NAALADL2: variants seen among roughly 807,000 people sequenced by gnomAD.
NAALADL2 encodes the protein inactive N-acetylated-alpha-linked acidic dipeptidase-like protein 2.
NAALADL2 carries 76 observed loss-of-function variants against 87.2 expected under a neutral mutation model. The ratio of observed to expected loss-of-function variants is 0.87; its 90% CI spans 0.72 to 1.05. The LOEUF is 1.05. Among genes scored for constraint, NAALADL2 ranks in the 50% least tolerant of loss-of-function variants. The pLI is 0.00. For missense variants in NAALADL2, 1,089 were observed against 945.8 expected, an observed-to-expected ratio of 1.15 and a Z score of -1.99; for synonymous variants, 354 against 331.0, an observed-to-expected ratio of 1.07 and a Z score of -0.75.
rs988003431 is a variant in NAALADL2 at position 175,363,909 on chromosome 3, T to C, written c.1090+39584T>C. The stretch of plus-strand genomic sequence containing the variant: ...ATTGAACTATCCTGTGTATTAGAAA[T>C]TAGTTTCCTAGTTCAGAAGCTGCTT... On this transcript the variant is annotated intron_variant, in intron 5 of 13. Transcript: ENST00000454872. Among the ~76,000 whole-genome samples, 17 of 148,136 alleles carry C rather than the reference T, an allele frequency of 1.1e-4. 1 individual carries two copies. Among genetic ancestry groups the C allele is most frequent in the Non-Finnish European group, 1.5e-4 (10 of 66,534 alleles).
At chr3:174,955,670 T>C (rs947177801) in intron 1 of NAALADL2, among the ~76,000 whole-genome samples, 2 of 152,110 alleles carry the variant, frequency 1.3e-5, no homozygotes, top group Admixed American at 6.6e-5. Flanking sequence ...TATCAGAGCC[T>C]GAGGCTACTG....
intron 3 of NAALADL2, among the ~76,000 whole-genome samples, chr3:174,755,699 T>C (rs1560198386): frequency 6.6e-6 from 1 of 152,202 alleles, no homozygotes; most frequent in Non-Finnish European, 1.5e-5. Flanking sequence ...ATAACACTTA[T>C]TGCATAAAAT....
At chr3:174,848,645 A>G (rs1235893550) in intron 3 of NAALADL2, among the ~76,000 whole-genome samples, 1 of 152,180 alleles carries the variant, frequency 6.6e-6, no homozygotes, top group Non-Finnish European at 1.5e-5. Context: ...TCATTTTCAC[A>G]GCTTTGCAGT....
At chr3:175,000,945 C>T (rs73048962) in intron 1 of NAALADL2, among the ~76,000 whole-genome samples, 2,658 of 152,286 alleles carry the variant, frequency 0.017, 87 homozygotes, top group African/African-American at 0.061. Flanking sequence ...GTTAATTGTA[C>T]TATATCACAG....
chr3:174,878,066 G>A (rs1453566498), intron 1 of NAALADL2, among the ~76,000 whole-genome samples: 1 of 151,968 alleles, frequency 6.6e-6, no homozygotes, highest in African/African-American at 2.4e-5. Flanking sequence ...TGATATACAT[G>A]GACCTCTAAA....
At chr3:175,128,378 G>C (rs1342610935) in intron 2 of NAALADL2, among the ~76,000 whole-genome samples, 4 of 152,084 alleles carry the variant, frequency 2.6e-5, no homozygotes, top group Non-Finnish European at 4.4e-5. Flanking sequence ...TGTAATAAAT[G>C]ATTTAATTTT....
At chr3:175,316,779 T>G (rs1759198165) in intron 4 of NAALADL2, among the ~76,000 whole-genome samples, 1 of 152,176 alleles carries the variant, frequency 6.6e-6, no homozygotes, top group Non-Finnish European at 1.5e-5. Context: ...AACCTCAGCA[T>G]GTTCAAAATG....
intron 3 of NAALADL2, among the ~76,000 whole-genome samples, chr3:174,850,700 A>G (rs2109473005): frequency 6.6e-6 from 1 of 152,248 alleles, no homozygotes; most frequent in African/African-American, 2.4e-5. Flanking sequence ...TCAGCACTGG[A>G]CATATCACCC....
chr3:174,775,348 A>T (rs916720648), intron 3 of NAALADL2, among the ~76,000 whole-genome samples: 4 of 151,978 alleles, frequency 2.6e-5, no homozygotes, highest in African/African-American at 7.2e-5. Flanking sequence ...TTCTGTCTCT[A>T]TAGTTTTGCC....
At chr3:175,460,848 G>C (rs753141037) in intron 6 of NAALADL2, among the ~76,000 whole-genome samples, 2 of 152,166 alleles carry the variant, frequency 1.3e-5, no homozygotes, top group Admixed American at 6.5e-5. Flanking sequence ...CAAAGAGTGC[G>C]CAGCAGCAAT....
At chr3:174,795,586 C>A (rs1216774010) in intron 3 of NAALADL2, among the ~76,000 whole-genome samples, 1 of 151,972 alleles carries the variant, frequency 6.6e-6, no homozygotes, top group Non-Finnish European at 1.5e-5. Context: ...AATAGTAATT[C>A]TATGTTTAAT....
chr3:175,392,131 C>G (rs1581700042), intron 5 of NAALADL2, among the ~76,000 whole-genome samples: 1 of 152,278 alleles, frequency 6.6e-6, no homozygotes, highest in East Asian at 1.9e-4. Flanking sequence ...ATGATTTCAG[C>G]CTTCATGCTT....
At chr3:175,450,834 G>T (rs2149234636) in intron 6 of NAALADL2, among the ~76,000 whole-genome samples, 1 of 152,152 alleles carries the variant, frequency 6.6e-6, no homozygotes, top group South Asian at 2.1e-4. Flanking sequence ...TACAAGTCTG[G>T]CCAAGACTCA....
intron 3 of NAALADL2, among the ~76,000 whole-genome samples, chr3:174,833,099 T>G (rs985941698): frequency 2.6e-5 from 4 of 152,198 alleles, no homozygotes; most frequent in African/African-American, 9.6e-5. Flanking sequence ...GTCTATTTAA[T>G]TTTAAAAGTT....
At chr3:175,629,338 ATTT>A (rs1461741301) in intron 11 of NAALADL2, among the ~76,000 whole-genome samples, 1 of 147,760 alleles carries the variant, frequency 6.8e-6, no homozygotes, top group Non-Finnish European at 1.5e-5. Flanking sequence ...ATGGATATAT[ATTT>A]TTATGAATTC....
rs552624246 is a variant in NAALADL2, at chr3:174,948,059, T to C, written c.43+88609T>C. On this transcript the variant is annotated intron_variant, in intron 1 of 13. Coordinates refer to ENST00000454872, the MANE Select transcript of NAALADL2 (RefSeq NM_207015.3). ...TTGACATATTGTTAATTTTTGCCAG[T>C]TAAACCCGTAACTAAATTTAATTCT... 2.6e-5 allele frequency among the ~76,000 whole-genome samples: 4 copies of C among 152,256 alleles called. No homozygotes were observed. The South Asian group carries it at 6.2e-4, about 24-fold the overall frequency.
chr3:175,200,566 A>G (rs953934867), intron 2 of NAALADL2, among the ~76,000 whole-genome samples: 2 of 152,174 alleles, frequency 1.3e-5, no homozygotes, highest in Admixed American at 6.5e-5. Flanking sequence ...TTCCTGTAGC[A>G]GTTACTAGAA....
chr3:175,052,709 A>G (rs888308832), intron 1 of NAALADL2, among the ~76,000 whole-genome samples: 5 of 152,196 alleles, frequency 3.3e-5, no homozygotes, highest in Non-Finnish European at 5.9e-5. Context: ...ACAAGTTTGT[A>G]GAGTGTCCTT....
chr3:175,164,574 T>G (rs190913059), intron 2 of NAALADL2, among the ~76,000 whole-genome samples: 17 of 152,276 alleles, frequency 1.1e-4, no homozygotes, highest in Middle Eastern at 3.4e-3. Context: ...AAGTACATAT[T>G]GCAAATTGGC....
Sources: gnomAD v4.1 joint callset for allele counts (sites outside exome capture counted in the v4.1 genomes callset) on GRCh38, gnomAD v4.1.1 for gene constraint, MANE v1.5 for transcripts, NCBI Gene and HGNC (gene_info 2026-07-23, HGNC 2026-07-21) for gene names.